The following FER1L6 variants were observed in gnomAD, a reference collection of about 807,000 sequenced individuals.
FER1L6 encodes fer-1-like protein 6.
A neutral mutation model predicts 219.2 loss-of-function variants in FER1L6; 177 were observed. The ratio of observed to expected loss-of-function variants is 0.81; its 90% CI spans 0.71 to 0.91. The LOEUF is 0.91. FER1L6 is among the 40% of genes least tolerant of loss of function. The pLI, the probability that FER1L6 is intolerant of heterozygous loss-of-function variation, is 0.00. For missense variants in FER1L6, 2,153 were observed against 2,259.9 expected (o/e 0.95, Z 0.96); for synonymous variants, 768 against 824.3 (o/e 0.93, Z 1.17).
At chr8:124,062,199 ATT>A (rs2130832743) in intron 25 of FER1L6, among the ~76,000 whole-genome samples, 167 bp downstream of exon 25, 2 of 152,128 alleles carry the variant, frequency 1.3e-5, no homozygotes, top group South Asian at 2.1e-4. Flanking sequence ...TGGCTCCCAC[ATT>A]CTTACTTTGA....
At position 123,853,075 on chromosome 8, in the gene FER1L6, C is replaced by T. The variant is rs184977482; in HGVS notation, c.-8+890C>T. On this transcript the variant is annotated intron_variant, in intron 1 of 40. Coordinates refer to ENST00000522917, the MANE Select transcript of FER1L6 (RefSeq NM_001039112.2). This position sits in a 1 kb window ranked among gnomAD's most constrained non-coding sequence, Gnocchi z 6.6. Reference sequence around the variant, plus strand: ...CTCAGGTTGGTCTCAAACTCCTGGGCTCAAGCGATCCTCCTGCCTCAGCCT... The same window carrying T: ...CTCAGGTTGGTCTCAAACTCCTGGGTTCAAGCGATCCTCCTGCCTCAGCCT... Among the ~76,000 whole-genome samples the T allele has an allele frequency of 1.9e-3, 285 of 152,286 alleles. 3 individuals carry two copies. The highest frequency in any genetic ancestry group is 6.5e-3 in the African/African-American group (271 of 41,542).
chr8:123,872,837 C>T (rs1816947739), intron 1 of FER1L6, among the ~76,000 whole-genome samples: 1 of 152,202 alleles, frequency 6.6e-6, no homozygotes, highest in South Asian at 2.1e-4. Flanking sequence ...TCAAAACCTC[C>T]TAAACCTTGT....
intron 1 of FER1L6, among the ~76,000 whole-genome samples, chr8:123,908,675 A>G (rs1813000786): frequency 6.6e-6 from 1 of 152,234 alleles, no homozygotes; most frequent in Non-Finnish European, 1.5e-5. Flanking sequence ...ACACAGATGA[A>G]TAAGATTGCT....
chr8:124,075,993 GA>G (rs1461752169), intron 31 of FER1L6, among the ~76,000 whole-genome samples: 1 of 152,186 alleles, frequency 6.6e-6, no homozygotes, highest in Non-Finnish European at 1.5e-5. Context: ...GCAAAATGTA[GA>G]TGCTAAAGTA....
intron 5 of FER1L6, among the ~76,000 whole-genome samples, chr8:123,968,940 G>A (rs575647653): frequency 2.6e-5 from 4 of 152,160 alleles, no homozygotes; most frequent in South Asian, 4.1e-4. Context: ...CCAGGAAACA[G>A]CTTCCCAGGC....
At chr8:124,097,216 C>T (rs774650446) in intron 35 of FER1L6, 55 bp from the exon 36 acceptor site, 3 of 1,277,248 alleles carry the variant, frequency 2.3e-6, no homozygotes, top group Non-Finnish European at 3.4e-6. Context: ...TATCAATTAC[C>T]CATGTCCCCT....
rs757831745 is a variant in FER1L6, at chr8:124,070,550, G to A, written c.3918G>A (p.Thr1306=). Residue 1306 remains threonine (T), a synonymous_variant, in exon 30 of 41, where the codon ACG becomes ACA. Coordinates refer to ENST00000522917, the MANE Select transcript of FER1L6 (RefSeq NM_001039112.2). The part of the protein sequence containing the change: ...KTFELFRGKS[T]EDDHGLDGDR... Reference sequence around the variant, plus strand: ...TTGAGCTCTTCAGAGGCAAGTCTACGGAAGATGACCATGGTCTTGATGGAG... The same window carrying A: ...TTGAGCTCTTCAGAGGCAAGTCTACAGAAGATGACCATGGTCTTGATGGAG... The A allele has an allele frequency of 5.0e-5, 81 of 1,610,336 alleles. No individual in the cohort carries two copies. In the Admixed American group the frequency reaches 8.1e-4, roughly 16 times the overall value.
intron 11 of FER1L6, among the ~76,000 whole-genome samples, chr8:123,981,698 G>A (rs563317616): frequency 7.2e-4 from 110 of 152,214 alleles, no homozygotes; most frequent in South Asian, 1.7e-3. Context: ...TTAAGAAACC[G>A]TGTAGGGGAG....
At chr8:124,092,810 T>C (rs532715095) in intron 34 of FER1L6, among the ~76,000 whole-genome samples, 2 of 151,210 alleles carry the variant, frequency 1.3e-5, no homozygotes, top group South Asian at 2.1e-4. Flanking sequence ...GGCACTCACA[T>C]GGCCAGAGCA....
chr8:123,877,498 T>A (rs1817022980), intron 1 of FER1L6, among the ~76,000 whole-genome samples: 1 of 152,084 alleles, frequency 6.6e-6, no homozygotes, highest in South Asian at 2.1e-4. Flanking sequence ...AGCACTGGCA[T>A]CGAATGAGAT....
chr8:123,886,500 C>T lies in FER1L6; in HGVS notation c.-8+34315C>T, dbSNP rs147334738. ...TGTCTTGACCCAGCACAAAAGCCAT[C>T]ACCAGAAGCTGAGTAGATACCAGCC... On this transcript the variant is annotated intron_variant, in intron 1 of 40. Coordinates refer to ENST00000522917, the MANE Select transcript of FER1L6 (RefSeq NM_001039112.2). Among the ~76,000 whole-genome samples the T allele has an allele frequency of 5.3e-5, 8 of 152,332 alleles. No homozygotes were observed. The East Asian group carries it at 1.4e-3, about 26-fold the overall frequency.
At chr8:124,027,840 A>T (rs1385191107) in intron 18 of FER1L6, among the ~76,000 whole-genome samples, 1 of 152,194 alleles carries the variant, frequency 6.6e-6, no homozygotes, top group Non-Finnish European at 1.5e-5. Context: ...GAGATTACAG[A>T]CGAGAGCCAT....
intron 1 of FER1L6, among the ~76,000 whole-genome samples, chr8:123,906,423 T>A (rs1812953826): frequency 6.6e-6 from 1 of 152,118 alleles, no homozygotes; most frequent in Non-Finnish European, 1.5e-5. Context: ...GCTTATTCCT[T>A]TAGATACCCT....
At chr8:124,013,574 T>C in intron 15 of FER1L6, 43 bp downstream of exon 15, 1 of 1,368,992 alleles carries the variant, frequency 7.3e-7, no homozygotes, top group Non-Finnish European at 1.0e-6. Context: ...TGAGCTTCTG[T>C]GGTCTCAGCT....
At chr8:124,018,838 A>G (rs1315575807) in intron 16 of FER1L6, among the ~76,000 whole-genome samples, 1 of 152,208 alleles carries the variant, frequency 6.6e-6, no homozygotes, top group Non-Finnish European at 1.5e-5. Flanking sequence ...CTCAAACAAG[A>G]AGGCTAAGTT....
intron 1 of FER1L6, among the ~76,000 whole-genome samples, chr8:123,886,037 C>T (rs1402316527): frequency 2.6e-5 from 4 of 152,192 alleles, no homozygotes; most frequent in Non-Finnish European, 4.4e-5. Flanking sequence ...TTCCCTTTGC[C>T]ATTTGCCTTG....
rs1421467347 is a variant in FER1L6, at chr8:124,049,739, G to A, written c.2857G>A (p.Val953Ile). Reference sequence around the variant, plus strand: ...TCTCTCTGGAGGGGATCTCCTTGCTGTATTTGAACTGCTGCAGGTGAGTGA... The same window carrying A: ...TCTCTCTGGAGGGGATCTCCTTGCTATATTTGAACTGCTGCAGGTGAGTGA... ...GNLSGGDLLAVFELLQVPPSG... is the reference protein window; with the variant it reads ...GNLSGGDLLAIFELLQVPPSG... The change falls in exon 22 of 41, where the codon GTA becomes ATA. Residue 953 changes from valine (V) to isoleucine (I), a missense_variant. Physicochemically the swap from Val to Ile is conservative, Grantham distance 29. Transcript: ENST00000522917. 1.2e-6 allele frequency: 2 copies of A among 1,614,044 alleles called. No individual in the cohort carries two copies. Among genetic ancestry groups the A allele is most frequent in the East Asian group, 2.2e-5 (1 of 44,886 alleles).
At chr8:124,006,886 C>A (rs111236600) in intron 13 of FER1L6, among the ~76,000 whole-genome samples, 2,966 of 152,278 alleles carry the variant, frequency 0.019, 52 homozygotes, top group South Asian at 0.041. Context: ...ACCAAACAGA[C>A]AAAGGCCTTG....
At chr8:123,913,312 T>C (rs1245513094) in intron 1 of FER1L6, among the ~76,000 whole-genome samples, 2 of 150,688 alleles carry the variant, frequency 1.3e-5, no homozygotes, top group African/African-American at 4.8e-5. Flanking sequence ...AATTATTTGT[T>C]CATATGTTAA....
Sources: gnomAD v4.1 joint callset for allele counts (sites outside exome capture counted in the v4.1 genomes callset) on GRCh38, gnomAD v4.1.1 for gene constraint, Gnocchi (gnomAD v3.1) non-coding constraint, MANE v1.5 for transcripts, NCBI Gene and HGNC (gene_info 2026-07-23, HGNC 2026-07-21) for gene names.